Variants in MAPKAP1 observed in about 807,000 individuals in gnomAD.
MAPKAP1 encodes the protein MAPK associated protein 1.
MAPKAP1 carries 20 observed loss-of-function variants against 65.7 expected under a neutral mutation model. The observed-to-expected ratio is 0.30, with a 90% confidence interval of 0.21 to 0.44. The LOEUF is 0.44. Ranked by LOEUF, MAPKAP1 falls within the 20% of genes least tolerant of loss-of-function variation. MAPKAP1 has a pLI of 1.00. For synonymous variants in MAPKAP1, 222 were observed against 244.3 expected (o/e 0.91, Z 0.85); for missense variants, 423 against 648.0 (o/e 0.65, Z 3.77).
rs116802406 is a variant in MAPKAP1, at chr9:125,567,361, G to C, written c.672-7552C>G. Among the ~76,000 whole-genome samples, 1,381 of 152,240 alleles carry C rather than the reference G, an allele frequency of 9.1e-3. 25 individuals carry two copies. Among genetic ancestry groups the C allele is most frequent in the African/African-American group, 0.032 (1,309 of 41,540 alleles). On this transcript the variant is annotated intron_variant, in intron 5 of 11. Coordinates refer to ENST00000265960, the MANE Select transcript of MAPKAP1 (RefSeq NM_001006617.3). ...TTGCTGATAAAAGGTTGCAGTAATG[G>C]AGCCAGCTAAAACCCACTGAAACCA... is the stretch of plus-strand genomic sequence containing the variant.
intron 7 of MAPKAP1, among the ~76,000 whole-genome samples, chr9:125,539,351 C>T (rs1174258053): frequency 6.6e-6 from 1 of 152,096 alleles, no homozygotes; most frequent in African/African-American, 2.4e-5. Context: ...TACAGAAAAT[C>T]ACCTCTATTT....
At chr9:125,616,468 G>A (rs572664595) in intron 4 of MAPKAP1, among the ~76,000 whole-genome samples, 1 of 152,216 alleles carries the variant, frequency 6.6e-6, no homozygotes, top group Non-Finnish European at 1.5e-5. Flanking sequence ...CATAAAAATG[G>A]TTAGTATCCA....
At chr9:125,545,290 G>C (rs969243773) in intron 6 of MAPKAP1, among the ~76,000 whole-genome samples, 6 of 152,228 alleles carry the variant, frequency 3.9e-5, no homozygotes, top group African/African-American at 1.4e-4. Flanking sequence ...TTTGGCAAGA[G>C]TACTGAAACG....
chr9:125,445,153 G>A (rs1852662538), intron 10 of MAPKAP1, among the ~76,000 whole-genome samples: 2 of 151,718 alleles, frequency 1.3e-5, no homozygotes, highest in Admixed American at 6.6e-5. Context: ...GGCGGGGGGG[G>A]CACCATGGAA....
At chr9:125,593,917 A>T (rs563871117) in intron 4 of MAPKAP1, among the ~76,000 whole-genome samples, 1 of 152,302 alleles carries the variant, frequency 6.6e-6, no homozygotes, top group Admixed American at 6.5e-5. Context: ...GAAATTTAAC[A>T]TATCCAACAC....
At chr9:125,554,575 G>A (rs917462720) in intron 6 of MAPKAP1, among the ~76,000 whole-genome samples, 1 of 152,144 alleles carries the variant, frequency 6.6e-6, no homozygotes, top group Non-Finnish European at 1.5e-5. Context: ...GAGGCAGGAG[G>A]ACTGCTTGAG....
chr9:125,499,701 C>T (rs560012197), intron 8 of MAPKAP1, among the ~76,000 whole-genome samples: 1 of 150,914 alleles, frequency 6.6e-6, no homozygotes, highest in African/African-American at 2.4e-5. Context: ...GAAAACTGGG[C>T]TTATCTTTTT....
At position 125,543,143 on chromosome 9, in the gene MAPKAP1, T is replaced by C. The variant is rs1393741898; in HGVS notation, c.874A>G (p.Ile292Val). 5 of 1,612,756 alleles carry C rather than the reference T, an allele frequency of 3.1e-6. No homozygotes were observed. Among genetic ancestry groups the C allele is most frequent in the Admixed American group, 1.7e-5 (1 of 60,036 alleles). The change falls in exon 7 of 12, where the codon ATT becomes GTT. Residue 292 changes from isoleucine (I) to valine (V), a missense_variant. Physicochemically the swap from Ile to Val is conservative, Grantham distance 29. Around this residue, in one of 6 missense-constraint regions of MAPKAP1, gnomAD observed 98 missense variants for 200.5 expected, o/e 0.49. Transcript: ENST00000265960. The part of the protein sequence containing the change: ...RINAAHGFSL[I>V]QVDNTKVTMK... ...GTAACCTTTGTGTTGTCCACCTGAATAAGGGAGAATCCATGAGCAGCATTT... is the reference window on the plus strand; with the variant it reads ...GTAACCTTTGTGTTGTCCACCTGAACAAGGGAGAATCCATGAGCAGCATTT...
At chr9:125,456,020 G>A (rs1220390014) in intron 10 of MAPKAP1, among the ~76,000 whole-genome samples, 2 of 152,182 alleles carry the variant, frequency 1.3e-5, no homozygotes, top group African/African-American at 4.8e-5. Context: ...CTGAATATAG[G>A]ATTCTAAGTT....
intron 6 of MAPKAP1, among the ~76,000 whole-genome samples, chr9:125,551,500 T>A (rs1483340632): frequency 6.6e-6 from 1 of 152,190 alleles, no homozygotes. Flanking sequence ...TGACAGCTGT[T>A]ACCCAAAGAG....
intron 3 of MAPKAP1, among the ~76,000 whole-genome samples, chr9:125,663,045 C>G (rs2131772521): frequency 6.6e-6 from 1 of 152,224 alleles, no homozygotes; most frequent in African/African-American, 2.4e-5. Context: ...CTGTGTATGT[C>G]TGAAATTTTC....
At chr9:125,646,945 A>G (rs1454670223) in intron 4 of MAPKAP1, among the ~76,000 whole-genome samples, 1 of 152,192 alleles carries the variant, frequency 6.6e-6, no homozygotes, top group Non-Finnish European at 1.5e-5. Flanking sequence ...GATTACTATA[A>G]CCATACTTTT....
intron 4 of MAPKAP1, among the ~76,000 whole-genome samples, chr9:125,628,293 T>C (rs917993406): frequency 3.3e-5 from 5 of 151,742 alleles, no homozygotes; most frequent in African/African-American, 9.7e-5. Flanking sequence ...ATGGGCAAGA[T>C]GGAATGGGCA....
At position 125,693,588 on chromosome 9, in the gene MAPKAP1, C is replaced by T. The variant is rs567278202; in HGVS notation, c.-70+13383G>A. Among the ~76,000 whole-genome samples the T allele has an allele frequency of 4.6e-4, 68 of 149,430 alleles. 1 individual carries two copies. Among genetic ancestry groups the T allele is most frequent in the East Asian group, 2.4e-3 (12 of 5,070 alleles). ...ATATACATACACACACATATATACACGTATACACACACACATACACATATA... is the reference window on the plus strand; with the variant it reads ...ATATACATACACACACATATATACATGTATACACACACACATACACATATA... On this transcript the variant is annotated intron_variant, in intron 1 of 11. Coordinates refer to ENST00000265960, the MANE Select transcript of MAPKAP1 (RefSeq NM_001006617.3).
intron 4 of MAPKAP1, among the ~76,000 whole-genome samples, chr9:125,639,258 C>T (rs765620241): frequency 6.6e-6 from 1 of 152,000 alleles, no homozygotes; most frequent in Admixed American, 6.6e-5. Flanking sequence ...CAAGACAAAA[C>T]AAAACAAACA....
intron 1 of MAPKAP1, among the ~76,000 whole-genome samples, chr9:125,681,943 T>G (rs1461195258): frequency 6.6e-6 from 1 of 152,136 alleles, no homozygotes; most frequent in Non-Finnish European, 1.5e-5. Flanking sequence ...AATTTTTTTG[T>G]AGAGACAAGA....
intron 3 of MAPKAP1, among the ~76,000 whole-genome samples, chr9:125,661,178 C>T (rs1265736419): frequency 3.9e-5 from 6 of 152,120 alleles, no homozygotes; most frequent in African/African-American, 1.2e-4. Context: ...ATCAGATTGG[C>T]AAAAATCTAA....
At chr9:125,459,790 C>CAGAGGGAGACCGTGGAAAGAGAGGG (rs1201711656) in intron 10 of MAPKAP1, among the ~76,000 whole-genome samples, 4 of 91,252 alleles carry the variant, frequency 4.4e-5, no homozygotes, top group South Asian at 3.3e-4. Flanking sequence ...GGCTCGGCAT[C>CAGAGGGAGACCGTGGAAAGAGAGGG]AGAGGGAGAC....
In MAPKAP1 at chr9:125,447,481, C is replaced by G; in HGVS notation, c.1346-2883G>C. On this transcript the variant is annotated intron_variant, in intron 10 of 11. Transcript: ENST00000265960. This position sits in a 1 kb window ranked among gnomAD's most constrained non-coding sequence, Gnocchi z 4.5. ...CTTGCTCTCTGCAAGGAGTGATGAGCGGAACCCTGGGGGGCAAGGGCAGGT... is the reference window on the plus strand; with the variant it reads ...CTTGCTCTCTGCAAGGAGTGATGAGGGGAACCCTGGGGGGCAAGGGCAGGT... The G allele has an allele frequency of 2.2e-6, 1 of 456,592 alleles. No homozygotes were observed. Among genetic ancestry groups the G allele is most frequent in the Non-Finnish European group, 4.4e-6 (1 of 226,958 alleles). The allele number at this position is 456,592 out of a possible 1,614,324, so 28.3% of individuals were successfully genotyped here. A position where few individuals can be genotyped will look rare whatever the true frequency, so the allele number is the denominator to read the frequency against.
Sources: gnomAD v4.1 joint callset for allele counts (sites outside exome capture counted in the v4.1 genomes callset) on GRCh38, gnomAD v4.1.1 for gene constraint, gnomAD v4.1.1 regional missense constraint, Gnocchi (gnomAD v3.1) non-coding constraint, MANE v1.5 for transcripts, NCBI Gene and HGNC (gene_info 2026-07-23, HGNC 2026-07-21) for gene names.